AGAP1: variants seen among roughly 807,000 people sequenced by gnomAD.
AGAP1 encodes arf-GAP with GTPase, ANK repeat and PH domain-containing protein 1.
Under a neutral mutation model 105.3 loss-of-function variants are expected in AGAP1, and 29 were observed. The ratio of observed to expected loss-of-function variants is 0.28; its 90% CI spans 0.21 to 0.38. The LOEUF (loss-of-function observed/expected upper bound fraction) is 0.38, where lower values mean the gene tolerates loss of function less well. AGAP1 is among the 10% of genes least tolerant of loss of function. The pLI, the probability that AGAP1 is intolerant of heterozygous loss-of-function variation, is 1.00. For synonymous variants in AGAP1, 509 were observed against 485.9 expected (o/e 1.05, Z -0.63); for missense variants, 998 against 1,165.1 (o/e 0.86, Z 2.09).
At chr2:235,661,067 AG>A (rs952206636) in intron 1 of AGAP1, among the ~76,000 whole-genome samples, 16 of 152,146 alleles carry the variant, frequency 1.1e-4, no homozygotes, top group Non-Finnish European at 2.2e-4. Flanking sequence ...CTCTGATTGC[AG>A]GAGTAAGGAT....
chr2:235,909,217 T>C (rs1458185006), intron 11 of AGAP1, among the ~76,000 whole-genome samples: 1 of 152,202 alleles, frequency 6.6e-6, no homozygotes, highest in East Asian at 1.9e-4. Context: ...AAAACGTGAA[T>C]TAACGTTAAA....
intron 13 of AGAP1, among the ~76,000 whole-genome samples, chr2:236,023,069 G>A (rs2056936017): frequency 6.6e-6 from 1 of 152,180 alleles, no homozygotes; most frequent in African/African-American, 2.4e-5. Context: ...CCGGGTGTGT[G>A]CGTGACATTG....
chr2:235,561,321 G>A (rs886851616), intron 1 of AGAP1, among the ~76,000 whole-genome samples: 1 of 152,226 alleles, frequency 6.6e-6, no homozygotes, highest in African/African-American at 2.4e-5. Context: ...TAGGTCAGGA[G>A]CTGCTGGGGT....
chr2:235,708,609 A>G (rs998282242), intron 1 of AGAP1, among the ~76,000 whole-genome samples: 2 of 151,790 alleles, frequency 1.3e-5, no homozygotes, highest in African/African-American at 4.9e-5. Context: ...TCAAAACTCT[A>G]GCACCAGATC....
chr2:235,969,287 G>T (rs2054538496), intron 13 of AGAP1, among the ~76,000 whole-genome samples: 1 of 151,642 alleles, frequency 6.6e-6, no homozygotes. Context: ...GATGCAAGTA[G>T]AGATAGGTAA....
At chr2:235,968,233 AG>A (rs2054486954) in intron 12 of AGAP1, among the ~76,000 whole-genome samples, 1 of 152,178 alleles carries the variant, frequency 6.6e-6, no homozygotes, top group Non-Finnish European at 1.5e-5. Flanking sequence ...TGATAGAAAA[AG>A]AAATGCTTGT....
At chr2:235,878,729 G>A (rs868523284) in intron 9 of AGAP1, among the ~76,000 whole-genome samples, 5 of 152,242 alleles carry the variant, frequency 3.3e-5, no homozygotes, top group African/African-American at 7.2e-5. Flanking sequence ...GAATTTGGGA[G>A]TGAAGCGGAG....
Position 235,958,196 on chromosome 2 carries a change from C to T in AGAP1, c.1484-10266C>T, listed in dbSNP as rs1442565104. Among the ~76,000 whole-genome samples the T allele has an allele frequency of 6.6e-6, 1 of 152,202 alleles. No homozygotes were observed. The highest frequency in any genetic ancestry group is 1.5e-5 in the Non-Finnish European group (1 of 68,046). The stretch of plus-strand genomic sequence containing the variant: ...CTCCCAGAGTGAGTGTTGCCTGCTC[C>T]TAGCAAATTCGTGGCGTGCCCCTCA... On this transcript the variant is annotated intron_variant, in intron 12 of 17. Transcript: ENST00000304032. This position sits in a 1 kb window ranked among gnomAD's most constrained non-coding sequence, Gnocchi z 4.1.
In AGAP1 at chr2:235,608,284, G is replaced by A. The variant is rs1229097546; in HGVS notation, c.164-100895G>A. Among the ~76,000 whole-genome samples the A allele has an allele frequency of 6.6e-6, 1 of 152,172 alleles. No individual in the cohort carries two copies. Among genetic ancestry groups the A allele is most frequent in the Non-Finnish European group, 1.5e-5 (1 of 68,034 alleles). ...GATACTGTCAGAATCAGAGCAGGCTGGATCCATGGCCGTATTCTGTAAAAT... is the reference window on the plus strand; with the variant it reads ...GATACTGTCAGAATCAGAGCAGGCTAGATCCATGGCCGTATTCTGTAAAAT... On this transcript the variant is annotated intron_variant, in intron 1 of 17. Coordinates refer to ENST00000304032, the MANE Select transcript of AGAP1 (RefSeq NM_001037131.3). The surrounding 1 kb of genome is among the most constrained non-coding windows in gnomAD (Gnocchi z 5.4).
At position 235,610,593 on chromosome 2, in the gene AGAP1, T is replaced by C. The variant is rs1245591025; in HGVS notation, c.164-98586T>C. Among the ~76,000 whole-genome samples the C allele has an allele frequency of 1.3e-5, 2 of 152,112 alleles. No homozygotes were observed. The highest frequency in any genetic ancestry group is 4.8e-5 in the African/African-American group (2 of 41,410). ...TCCAACCCTAATTACCTTCCAAAGA[T>C]CCCACCTCAGATACCATCGCATTGG... On this transcript the variant is annotated intron_variant, in intron 1 of 17. Transcript: ENST00000304032. The surrounding 1 kb of genome is among the most constrained non-coding windows in gnomAD (Gnocchi z 4.9).
At chr2:236,079,188 C>T (rs1437718560) in intron 16 of AGAP1, among the ~76,000 whole-genome samples, 2 of 151,792 alleles carry the variant, frequency 1.3e-5, no homozygotes, top group Admixed American at 1.3e-4. Flanking sequence ...AAACTCACAG[C>T]ATGAAGGAGA....
intron 9 of AGAP1, among the ~76,000 whole-genome samples, chr2:235,859,571 C>G (rs912741618): frequency 6.7e-6 from 1 of 148,612 alleles, no homozygotes; most frequent in East Asian, 2.0e-4. Flanking sequence ...TCCTGCTTCC[C>G]TTTTCTAACT....
chr2:235,821,690 T>A (rs1308696766), intron 9 of AGAP1, among the ~76,000 whole-genome samples: 3 of 152,212 alleles, frequency 2.0e-5, no homozygotes, highest in Non-Finnish European at 4.4e-5. Flanking sequence ...TTAGTATTGG[T>A]AAGGTACTAG....
At chr2:235,554,865 T>A (rs1024443638) in intron 1 of AGAP1, among the ~76,000 whole-genome samples, 1 of 152,190 alleles carries the variant, frequency 6.6e-6, no homozygotes, top group Non-Finnish European at 1.5e-5. Flanking sequence ...AGACAAGGTT[T>A]CACCATGTTG....
At chr2:235,812,110 C>T (rs1172615157) in intron 9 of AGAP1, among the ~76,000 whole-genome samples, 2 of 152,166 alleles carry the variant, frequency 1.3e-5, no homozygotes, top group African/African-American at 2.4e-5. Context: ...CCATCAGGCA[C>T]GCTCCCTTTT....
intron 9 of AGAP1, among the ~76,000 whole-genome samples, chr2:235,808,956 A>G (rs1957985170): frequency 6.6e-6 from 1 of 152,208 alleles, no homozygotes; most frequent in Non-Finnish European, 1.5e-5. Flanking sequence ...TGTAATTTTT[A>G]TGCCACTGAT....
Position 236,009,014 on chromosome 2 carries a change from G to A in AGAP1, c.1646-27547G>A, listed in dbSNP as rs745720246. ...GTGTCCTATATATTTGCTTGGCCTC[G>A]GGTTTTGTTTAATCCCTTCAAAGGC... On this transcript the variant is annotated intron_variant, in intron 13 of 17. Coordinates refer to ENST00000304032, the MANE Select transcript of AGAP1 (RefSeq NM_001037131.3). The surrounding 1 kb of genome is among the most constrained non-coding windows in gnomAD (Gnocchi z 4.2). 1.3e-5 allele frequency among the ~76,000 whole-genome samples: 2 copies of A among 152,082 alleles called. No homozygotes were observed. Among genetic ancestry groups the A allele is most frequent in the African/African-American group, 2.4e-5 (1 of 41,394 alleles).
chr2:235,800,057 A>C (rs907741033), intron 8 of AGAP1, among the ~76,000 whole-genome samples: 1 of 150,964 alleles, frequency 6.6e-6, no homozygotes, highest in African/African-American at 2.4e-5. Flanking sequence ...ATCTGGGTTC[A>C]GGTTTATAAA....
chr2:236,003,511 A>C lies in AGAP1; in HGVS notation c.1646-33050A>C, dbSNP rs1045036044. On this transcript the variant is annotated intron_variant, in intron 13 of 17. Coordinates refer to ENST00000304032, the MANE Select transcript of AGAP1 (RefSeq NM_001037131.3). The surrounding 1 kb of genome is among the most constrained non-coding windows in gnomAD (Gnocchi z 4.2). Reference sequence around the variant, plus strand: ...GGATGGAGGTGGACTCTGAGCACAGACAAGGGACCCATGGCCCAGAGCCCA... The same window carrying C: ...GGATGGAGGTGGACTCTGAGCACAGCCAAGGGACCCATGGCCCAGAGCCCA... Among the ~76,000 whole-genome samples the C allele has an allele frequency of 6.6e-6, 1 of 152,182 alleles. No homozygotes were observed. Among genetic ancestry groups the C allele is most frequent in the African/African-American group, 2.4e-5 (1 of 41,452 alleles).
Sources: gnomAD v4.1 joint callset for allele counts (sites outside exome capture counted in the v4.1 genomes callset) on GRCh38, gnomAD v4.1.1 for gene constraint, Gnocchi (gnomAD v3.1) non-coding constraint, MANE v1.5 for transcripts, NCBI Gene and HGNC (gene_info 2026-07-23, HGNC 2026-07-21) for gene names.